GRB2: variants seen among roughly 807,000 people sequenced by gnomAD.
GRB2 encodes growth factor receptor bound protein 2.
A neutral mutation model predicts 27.4 loss-of-function variants in GRB2; 2 were observed. The ratio of observed to expected loss-of-function variants is 0.07; its 90% CI spans 0.03 to 0.23. The LOEUF is 0.23. Among genes scored for constraint, GRB2 ranks in the 10% least tolerant of loss-of-function variants. GRB2 has a pLI of 1.00. For missense variants in GRB2, 102 were observed against 282.4 expected (o/e 0.36, Z 4.58); for synonymous variants, 94 against 99.6 (o/e 0.94, Z 0.33).
chr17:75,392,844 G>C (rs528563693), intron 2 of GRB2, among the ~76,000 whole-genome samples: 1 of 152,300 alleles, frequency 6.6e-6, no homozygotes, highest in South Asian at 2.1e-4. Flanking sequence ...AAATAGTGGG[G>C]CTCAAAATAA....
chr17:75,362,682 A>T (rs1189154759), intron 2 of GRB2, among the ~76,000 whole-genome samples: 1 of 152,194 alleles, frequency 6.6e-6, no homozygotes, highest in African/African-American at 2.4e-5. Flanking sequence ...GCCTTACTTT[A>T]AAAATTCTAA....
chr17:75,337,639 C>A (rs1465679330), intron 2 of GRB2, among the ~76,000 whole-genome samples: 1 of 148,894 alleles, frequency 6.7e-6, no homozygotes, highest in Non-Finnish European at 1.5e-5. Context: ...GGCACAATCT[C>A]GGCTCACTGC....
intron 2 of GRB2, among the ~76,000 whole-genome samples, chr17:75,363,228 C>T (rs1201358295): frequency 6.6e-6 from 1 of 152,120 alleles, no homozygotes; most frequent in African/African-American, 2.4e-5. Flanking sequence ...AGCACCTCAC[C>T]TAAACTATCT....
At chr17:75,359,387 T>A (rs1016410060) in intron 2 of GRB2, among the ~76,000 whole-genome samples, 11 of 151,564 alleles carry the variant, frequency 7.3e-5, no homozygotes, top group Non-Finnish European at 1.5e-4. Flanking sequence ...ATGCCCATAA[T>A]CCTAGCTACT....
intron 2 of GRB2, among the ~76,000 whole-genome samples, chr17:75,386,426 A>C (rs1418527126): frequency 6.6e-6 from 1 of 152,172 alleles, no homozygotes; most frequent in Non-Finnish European, 1.5e-5. Flanking sequence ...CCTTAGAACA[A>C]ATTCTTAAAA....
intron 2 of GRB2, among the ~76,000 whole-genome samples, chr17:75,353,214 C>G (rs558604724): frequency 4.5e-4 from 68 of 151,744 alleles, no homozygotes; most frequent in African/African-American, 1.6e-3. Flanking sequence ...ACAGTTGTAC[C>G]TTGTATTCAT....
rs190602242 is a variant in GRB2 at position 75,395,199 on chromosome 17, A to G, written c.-137-1434T>C. 2.6e-5 allele frequency among the ~76,000 whole-genome samples: 4 copies of G among 152,148 alleles called. No individual in the cohort carries two copies. In the South Asian group the frequency reaches 6.2e-4, roughly 24 times the overall value. On this transcript the variant is annotated intron_variant, in intron 1 of 5. Transcript: ENST00000316804. ...TGGGGAATATTAAGATTAGACCAAG[A>G]TAAGTATTATCAAAAAGAAAATAAA... is the stretch of plus-strand genomic sequence containing the variant.
At chr17:75,393,925 C>G (rs909980041) in intron 1 of GRB2, 160 bp from the exon 2 acceptor site, 7 of 468,862 alleles carry the variant, frequency 1.5e-5, no homozygotes, top group Non-Finnish European at 2.6e-5. Flanking sequence ...CGACTTCTTC[C>G]TCTTTTCAGC....
chr17:75,330,644 A>G (rs1262513742), intron 3 of GRB2, among the ~76,000 whole-genome samples: 2 of 152,232 alleles, frequency 1.3e-5, no homozygotes, highest in East Asian at 3.9e-4. Context: ...ACTGCACTCC[A>G]GCCTGGGCAA....
chr17:75,377,232 G>A (rs985442360), intron 2 of GRB2, among the ~76,000 whole-genome samples: 1 of 151,992 alleles, frequency 6.6e-6, no homozygotes, highest in Non-Finnish European at 1.5e-5. Flanking sequence ...GAGGTGAGAT[G>A]ATCACTTGAG....
intron 2 of GRB2, among the ~76,000 whole-genome samples, chr17:75,390,177 A>G (rs2078989601): frequency 6.6e-6 from 1 of 152,204 alleles, no homozygotes; most frequent in Non-Finnish European, 1.5e-5. Context: ...AGTGCCAGAG[A>G]GGGTAGAATA....
chr17:75,347,890 CT>C (rs1298439195), intron 2 of GRB2, among the ~76,000 whole-genome samples: 1 of 152,152 alleles, frequency 6.6e-6, no homozygotes, highest in Non-Finnish European at 1.5e-5. Flanking sequence ...TGAAATTAGC[CT>C]AAAATCAGTT....
chr17:75,377,910 AAAC>A (rs531702422), intron 2 of GRB2, among the ~76,000 whole-genome samples: 1 of 152,162 alleles, frequency 6.6e-6, no homozygotes, highest in Non-Finnish European at 1.5e-5. Flanking sequence ...CTAAAAAAGA[AAAC>A]AACCCACGAA....
At chr17:75,347,303 G>T (rs960358161) in intron 2 of GRB2, among the ~76,000 whole-genome samples, 1 of 152,074 alleles carries the variant, frequency 6.6e-6, no homozygotes, top group African/African-American at 2.4e-5. Context: ...TCCATGGACC[G>T]GACTGAGAAC....
chr17:75,327,803 TTG>T (rs141175453), intron 3 of GRB2, among the ~76,000 whole-genome samples: 13 of 152,234 alleles, frequency 8.5e-5, no homozygotes, highest in African/African-American at 2.9e-4. Context: ...AACTTTGTCC[TTG>T]TGTGTGTGTG....
chr17:75,378,122 AC>A (rs1475816300), intron 2 of GRB2, among the ~76,000 whole-genome samples: 1 of 152,066 alleles, frequency 6.6e-6, no homozygotes, highest in Non-Finnish European at 1.5e-5. Flanking sequence ...GCAGTGGCTC[AC>A]GCCTGTAATT....
At chr17:75,376,898 T>C (rs913041348) in intron 2 of GRB2, among the ~76,000 whole-genome samples, 1 of 151,792 alleles carries the variant, frequency 6.6e-6, no homozygotes, top group Non-Finnish European at 1.5e-5. Flanking sequence ...TGGATACCTG[T>C]AGTTCCAGAG....
chr17:75,382,646 G>T (rs1297090547), intron 2 of GRB2, among the ~76,000 whole-genome samples: 2 of 152,150 alleles, frequency 1.3e-5, no homozygotes, highest in African/African-American at 4.8e-5. Flanking sequence ...GACCAAGGTG[G>T]GCTAAACTTT....
rs1170570570 is a variant in GRB2 at position 75,355,816 on chromosome 17, CTTTT to C, written c.79-23023_79-23020del. ...TGATGTATCTTAATTTTCCTTTCTT[CTTTT>C]TTTTTTTTTTTTTTTTTTAAAGAGA... On this transcript the variant is annotated intron_variant, in intron 2 of 5. Transcript: ENST00000316804. 2.6e-5 allele frequency among the ~76,000 whole-genome samples: 3 copies of C among 115,730 alleles called. No homozygotes were observed. The Admixed American group carries it at 2.7e-4, about 10-fold the overall frequency. 75.9% of individuals were successfully genotyped at this position (115,730 alleles called of 152,430 possible).
Sources: gnomAD v4.1 joint callset for allele counts (sites outside exome capture counted in the v4.1 genomes callset) on GRCh38, gnomAD v4.1.1 for gene constraint, MANE v1.5 for transcripts, NCBI Gene and HGNC (gene_info 2026-07-23, HGNC 2026-07-21) for gene names.